The following VAV2 variants were observed in gnomAD, a reference collection of about 807,000 sequenced individuals.
The protein encoded by VAV2 is vav guanine nucleotide exchange factor 2.
Under a neutral mutation model 132.5 loss-of-function variants are expected in VAV2, and 67 were observed. The ratio of observed to expected loss-of-function variants is 0.51; its 90% confidence interval spans 0.42 to 0.62. The LOEUF (loss-of-function observed/expected upper bound fraction) is 0.62. Among genes scored for constraint, VAV2 ranks in the 20% least tolerant of loss-of-function variants. VAV2 has a pLI of 0.00. For missense variants in VAV2, 938 were observed against 1,153.6 expected (o/e 0.81, Z 2.71); for synonymous variants, 492 against 443.5 (o/e 1.11, Z -1.37).
chr9:133,957,551 C>T (rs755093405), intron 1 of VAV2, among the ~76,000 whole-genome samples: 1 of 152,122 alleles, frequency 6.6e-6, no homozygotes. Context: ...CAGGGCAGGG[C>T]GAGGAGGGGA....
intron 1 of VAV2, among the ~76,000 whole-genome samples, chr9:133,983,757 G>A (rs1197078914): frequency 6.6e-6 from 1 of 151,876 alleles, no homozygotes; most frequent in South Asian, 2.1e-4. Flanking sequence ...TCCCACTCCC[G>A]GTCAGTCCCT....
intron 3 of VAV2, among the ~76,000 whole-genome samples, chr9:133,846,706 A>G (rs775126253): frequency 3.5e-4 from 54 of 152,314 alleles, no homozygotes; most frequent in South Asian, 3.1e-3. Flanking sequence ...AGACCACTGC[A>G]TCTGAGGGTT....
intron 2 of VAV2, among the ~76,000 whole-genome samples, chr9:133,908,049 A>C (rs1455487482): frequency 1.7e-3 from 79 of 46,056 alleles, no homozygotes; most frequent in Non-Finnish European, 1.8e-3. Flanking sequence ...CGCCCCTCCC[A>C]CCCCACGCCC....
chr9:133,988,650 G>C (rs1034127366), intron 1 of VAV2, among the ~76,000 whole-genome samples: 4 of 152,216 alleles, frequency 2.6e-5, no homozygotes, highest in African/African-American at 9.6e-5. Context: ...TCAGCCGGAC[G>C]CGGGGGCTCA....
rs1051203003 is a variant in VAV2, at chr9:133,824,254, C to T, written c.449+10018G>A. Among the ~76,000 whole-genome samples, 5 of 152,150 alleles carry T rather than the reference C, an allele frequency of 3.3e-5. No individual in the cohort carries two copies. The highest frequency in any genetic ancestry group is 4.8e-5 in the African/African-American group (2 of 41,430). On this transcript the variant is annotated intron_variant, in intron 4 of 29. Coordinates refer to ENST00000371850, the MANE Select transcript of VAV2 (RefSeq NM_001134398.2). The surrounding 1 kb of genome is among the most constrained non-coding windows in gnomAD (Gnocchi z 5.2). ...GCCCAGCAGTCCCACAGCCACCTCC[C>T]GACGGGGACTGGGCTTGTCTAGACC... is the stretch of plus-strand genomic sequence containing the variant.
chr9:133,904,424 G>C (rs913377168), intron 2 of VAV2, among the ~76,000 whole-genome samples: 5 of 152,238 alleles, frequency 3.3e-5, no homozygotes, highest in Non-Finnish European at 1.5e-5. Context: ...CCAGGGTCCC[G>C]TGAAATTCAA....
chr9:133,922,152 C>T, intron 2 of VAV2, among the ~76,000 whole-genome samples: 1 of 152,246 alleles, frequency 6.6e-6, no homozygotes, highest in East Asian at 1.9e-4. Context: ...TTCTCCAGCC[C>T]AGTCTTGGGA....
chr9:133,917,281 C>T (rs1013981534), intron 2 of VAV2, among the ~76,000 whole-genome samples: 2 of 152,318 alleles, frequency 1.3e-5, no homozygotes, highest in East Asian at 3.9e-4. Context: ...ACAAACTCAG[C>T]ACTCAAAAGG....
chr9:133,787,716 T>G (rs1307491076), intron 15 of VAV2, among the ~76,000 whole-genome samples: 1 of 148,754 alleles, frequency 6.7e-6, no homozygotes, highest in Non-Finnish European at 1.5e-5. Context: ...AATAGCCCTA[T>G]AGCCATGGTC....
intron 2 of VAV2, among the ~76,000 whole-genome samples, chr9:133,875,537 C>T (rs1838227457): frequency 6.6e-6 from 1 of 152,192 alleles, no homozygotes; most frequent in Admixed American, 6.5e-5. Context: ...AGGCGCAGGC[C>T]TATGATAAAG....
chr9:133,913,120 G>T (rs1455186834), intron 2 of VAV2, among the ~76,000 whole-genome samples: 1 of 152,180 alleles, frequency 6.6e-6, no homozygotes. Context: ...TCTCCAGGGA[G>T]CTGGCACTCT....
chr9:133,775,256 A>G (rs551685869), intron 24 of VAV2, among the ~76,000 whole-genome samples: 17 of 152,312 alleles, frequency 1.1e-4, no homozygotes, highest in Middle Eastern at 3.4e-3. Flanking sequence ...CCCTTCCTAC[A>G]GTGGGATACA....
intron 2 of VAV2, among the ~76,000 whole-genome samples, chr9:133,901,736 A>G (rs961468655): frequency 6.6e-6 from 1 of 152,104 alleles, no homozygotes; most frequent in African/African-American, 2.4e-5. Flanking sequence ...TATTTCCCCC[A>G]CTGTTCTGAC....
intron 1 of VAV2, among the ~76,000 whole-genome samples, chr9:133,950,837 G>A (rs1364642888): frequency 2.0e-5 from 3 of 151,956 alleles, no homozygotes; most frequent in African/African-American, 4.8e-5. Flanking sequence ...TCCCCCTTCC[G>A]GAAAGCGGCC....
At chr9:133,904,857 C>T (rs139119255) in intron 2 of VAV2, among the ~76,000 whole-genome samples, 13 of 152,380 alleles carry the variant, frequency 8.5e-5, no homozygotes, top group African/African-American at 2.9e-4. Flanking sequence ...AATACTCTTT[C>T]GCCTGAGTAA....
intron 1 of VAV2, among the ~76,000 whole-genome samples, chr9:133,970,298 C>A (rs916943986): frequency 1.2e-4 from 19 of 152,340 alleles, no homozygotes; most frequent in Middle Eastern, 3.4e-3. Flanking sequence ...AGGAAAACCC[C>A]CGCCCGCCAT....
rs1311140448 is a variant in VAV2 at position 133,918,233 on chromosome 9, C to T, written c.321+20870G>A. On this transcript the variant is annotated intron_variant, in intron 2 of 29. Coordinates refer to ENST00000371850, the MANE Select transcript of VAV2 (RefSeq NM_001134398.2). This position sits in a 1 kb window ranked among gnomAD's most constrained non-coding sequence, Gnocchi z 4.7. ...GGAAATGCTAAAGAGGACTCGGTGC[C>T]TCCAGCTCGGCTAGAAACTATTTTT... Among the ~76,000 whole-genome samples, 1 of 152,212 alleles carries T rather than the reference C, an allele frequency of 6.6e-6. No homozygotes were observed. Among genetic ancestry groups the T allele is most frequent in the Non-Finnish European group, 1.5e-5 (1 of 68,046 alleles).
At chr9:133,988,263 C>A (rs1842917178) in intron 1 of VAV2, among the ~76,000 whole-genome samples, 1 of 151,738 alleles carries the variant, frequency 6.6e-6, no homozygotes, top group African/African-American at 2.4e-5. Flanking sequence ...AAAAGAGACA[C>A]ACACCGTGAC....
Position 133,826,326 on chromosome 9 carries a change from C to T in VAV2, c.449+7946G>A, listed in dbSNP as rs956672533. Among the ~76,000 whole-genome samples the T allele has an allele frequency of 2.6e-5, 4 of 152,316 alleles. No homozygotes were observed. The highest frequency in any genetic ancestry group is 2.1e-4 in the South Asian group (1 of 4,830). On this transcript the variant is annotated intron_variant, in intron 4 of 29. Transcript: ENST00000371850. The surrounding 1 kb of genome is among the most constrained non-coding windows in gnomAD (Gnocchi z 4.2). ...AGCTGCAGCCTCACATCCAAGCCCTCGCCCAGAGCCCTGGCCCCAGAATCT... is the reference window on the plus strand; with the variant it reads ...AGCTGCAGCCTCACATCCAAGCCCTTGCCCAGAGCCCTGGCCCCAGAATCT...
Sources: allele counts gnomAD v4.1 joint callset (sites outside exome capture counted in the v4.1 genomes callset), GRCh38; gene constraint gnomAD v4.1.1; non-coding constraint Gnocchi (gnomAD v3.1); transcripts MANE v1.5; gene names NCBI Gene and HGNC (gene_info 2026-07-23, HGNC 2026-07-21).